The following NSD2 variants were observed in gnomAD, a reference collection of about 807,000 sequenced individuals.
The protein encoded by NSD2 is nuclear receptor binding SET domain protein 2.
A neutral mutation model predicts 139.0 loss-of-function variants in NSD2; 12 were observed. The ratio of observed to expected loss-of-function variants is 0.09; its 90% CI spans 0.06 to 0.14. The LOEUF (loss-of-function observed/expected upper bound fraction) is 0.14. Among genes scored for constraint, NSD2 ranks in the 10% least tolerant of loss-of-function variants. The pLI, the probability that NSD2 is intolerant of heterozygous loss-of-function variation, is 1.00. For synonymous variants in NSD2, 669 were observed against 648.7 expected (o/e 1.03, Z -0.48); for missense variants, 1,155 against 1,745.0 (o/e 0.66, Z 6.02).
chr4:1,959,325 T>C, intron 16 of NSD2, 146 bp from the exon 17 acceptor site: 1 of 820,078 alleles, frequency 1.2e-6, no homozygotes, highest in South Asian at 1.8e-5. Flanking sequence ...TGGGGAGGGC[T>C]GTTCTGAGTA....
intron 1 of NSD2, among the ~76,000 whole-genome samples, chr4:1,885,457 T>G (rs1715016130): frequency 2.0e-5 from 3 of 152,320 alleles, no homozygotes; most frequent in South Asian, 4.1e-4. Flanking sequence ...GTCATTCTTG[T>G]AAGTTGATAA....
Position 1,930,642 on chromosome 4 carries a change from C to T in NSD2, c.1427C>T (p.Pro476Leu). 1.9e-6 allele frequency: 3 copies of T among 1,611,008 alleles called. No homozygotes were observed. Among genetic ancestry groups the T allele is most frequent in the South Asian group, 2.2e-5 (2 of 90,534 alleles). Residue 476 changes from proline to leucine, a missense_variant, in exon 6 of 22, where the codon CCA (proline) becomes CTA (leucine). Physicochemically the swap from Pro to Leu is moderately conservative, Grantham distance 98 (BLOSUM62 -3). This residue lies in a region of NSD2 where 420 missense variants were observed against 469.0 expected (regional missense o/e 0.90). Transcript: ENST00000508803. ...TTCCCACAGGTGGTAGCTGAGCACC[C>T]AGATGCTTCAGGTGAGGAGATTGAA... ...KHRDEVVAEH[P>L]DASGEEIEEL...
intron 1 of NSD2, among the ~76,000 whole-genome samples, chr4:1,880,572 CA>C (rs774862220): frequency 6.3e-5 from 9 of 143,442 alleles, no homozygotes; most frequent in African/African-American, 2.1e-4. Flanking sequence ...GGACAGTGAG[CA>C]AAGGTCATAT....
At chr4:1,900,244 C>T (rs1716969623) in intron 1 of NSD2, among the ~76,000 whole-genome samples, 1 of 152,166 alleles carries the variant, frequency 6.6e-6, no homozygotes, top group Non-Finnish European at 1.5e-5. Context: ...ATGCCAGCTG[C>T]CTCACACATA....
At chr4:1,957,450 ATT>A (rs57804419) in intron 15 of NSD2, among the ~76,000 whole-genome samples, 10 of 135,570 alleles carry the variant, frequency 7.4e-5, no homozygotes, top group Admixed American at 1.5e-4. Context: ...TGCCTGGCTA[ATT>A]TTTTTTTTTT....
At chr4:1,971,361 C>T (rs1024741069) in intron 18 of NSD2, among the ~76,000 whole-genome samples, 1 of 152,114 alleles carries the variant, frequency 6.6e-6, no homozygotes, top group Non-Finnish European at 1.5e-5. Context: ...TTAGGGCCTT[C>T]CCACTGGCCT....
In NSD2 at chr4:1,934,879, AT is replaced by A. The variant is rs1398706132; in HGVS notation, c.1556-264del. On this transcript the variant is annotated intron_variant, in intron 6 of 21. Coordinates refer to ENST00000508803, the MANE Select transcript of NSD2 (RefSeq NM_001042424.3). ...AAAAAAAAAAAAAAAAAAAAAAAAA[AT>A]ATATATATATATATATATATATATA... Among the ~76,000 whole-genome samples the A allele has an allele frequency of 9.7e-4, 33 of 34,076 alleles. 1 individual carries two copies. Among genetic ancestry groups the A allele is most frequent in the African/African-American group, 3.4e-3 (19 of 5,666 alleles). 22.4% of individuals were successfully genotyped at this position (34,076 alleles called of 152,430 possible).
At chr4:1,928,533 T>C (rs1721229443) in intron 5 of NSD2, among the ~76,000 whole-genome samples, 1 of 152,172 alleles carries the variant, frequency 6.6e-6, no homozygotes, top group South Asian at 2.1e-4. Flanking sequence ...GAGTCATTGC[T>C]CTGTTAACCT....
At position 1,900,864 on chromosome 4, in the gene NSD2, C is replaced by A. The variant is rs778644056; in HGVS notation, c.210C>A (p.Ala70=). 6.2e-7 allele frequency: 1 copy of A among 1,613,536 alleles called. No individual in the cohort carries two copies. Among genetic ancestry groups the A allele is most frequent in the Admixed American group, 1.7e-5 (1 of 59,974 alleles). ...GVMQKFNGHD[A]LPFIPADKLK... Reference sequence around the variant, plus strand: ...TGCAGAAGTTTAACGGCCACGACGCCCTGCCCTTTATTCCAGCCGACAAGC... The same window carrying A: ...TGCAGAAGTTTAACGGCCACGACGCACTGCCCTTTATTCCAGCCGACAAGC... The change falls in exon 2 of 22, where the codon GCC becomes GCA. Residue 70 remains alanine, a synonymous_variant. Transcript: ENST00000508803.
Position 1,878,422 on chromosome 4 carries a change from T to A in NSD2, c.-30+6880T>A, listed in dbSNP as rs143253061. ...CATGCCTGGCCAAAAAAACTTTTTT[T>A]AATTATTCTGTTGCTATCTGGCACT... is the stretch of plus-strand genomic sequence containing the variant. On this transcript the variant is annotated intron_variant, in intron 1 of 21. Transcript: ENST00000508803. 1.2e-3 allele frequency among the ~76,000 whole-genome samples: 185 copies of A among 151,972 alleles called. 1 individual carries two copies. The highest frequency in any genetic ancestry group is 3.4e-3 in the Middle Eastern group (1 of 294).
At chr4:1,913,789 G>T (rs1719000145) in intron 3 of NSD2, among the ~76,000 whole-genome samples, 1 of 152,078 alleles carries the variant, frequency 6.6e-6, no homozygotes. Flanking sequence ...TGGTGGTAGT[G>T]GTGTCCCCTG....
intron 11 of NSD2, 70 bp from the exon 12 acceptor site, chr4:1,953,254 G>T (rs1260943627): frequency 6.2e-7 from 1 of 1,613,108 alleles, no homozygotes; most frequent in Admixed American, 1.7e-5. Flanking sequence ...TGATTTTAGT[G>T]GCTCAGAACT....
At chr4:1,971,071 T>C (rs1379791281) in intron 18 of NSD2, among the ~76,000 whole-genome samples, 2 of 152,198 alleles carry the variant, frequency 1.3e-5, no homozygotes, top group African/African-American at 4.8e-5. Context: ...AATAAAATTG[T>C]GGGCAGGCCG....
Position 1,930,903 on chromosome 4 carries a change from G to A in NSD2, c.1555+133G>A, listed in dbSNP as rs538182376. ...TCTGACCCGTGGGGTTTGGGCCAGCGGTCCAAGTGCGTGTGGTCACAGTAA... is the reference window on the plus strand; with the variant it reads ...TCTGACCCGTGGGGTTTGGGCCAGCAGTCCAAGTGCGTGTGGTCACAGTAA... On this transcript the variant is annotated intron_variant, in intron 6 of 21. Transcript: ENST00000508803. 27 of 1,142,902 alleles carry A rather than the reference G, an allele frequency of 2.4e-5. No homozygotes were observed. In the Middle Eastern group the frequency reaches 9.3e-4, roughly 39 times the overall value. 70.8% of individuals were successfully genotyped at this position (1,142,902 alleles called of 1,614,324 possible). A position where few individuals can be genotyped will look rare whatever the true frequency, so the allele number is the denominator to read the frequency against.
chr4:1,972,439 A>C lies in NSD2; in HGVS notation c.3373-2424A>C, dbSNP rs1726594477. Among the ~76,000 whole-genome samples the C allele has an allele frequency of 6.6e-6, 1 of 152,254 alleles. No homozygotes were observed. The highest frequency in any genetic ancestry group is 1.5e-5 in the Non-Finnish European group (1 of 68,046). On this transcript the variant is annotated intron_variant, in intron 18 of 21. Coordinates refer to ENST00000508803, the MANE Select transcript of NSD2 (RefSeq NM_001042424.3). The surrounding 1 kb of genome is among the most constrained non-coding windows in gnomAD (Gnocchi z 4.0). ...AGTCCATGTAGAAGGAAAGATCTGC[A>C]GGTCTAGCCAGTGCTTTATCTTGAA...
intron 5 of NSD2, among the ~76,000 whole-genome samples, chr4:1,924,110 G>T (rs1324048491): frequency 6.6e-6 from 1 of 152,146 alleles, no homozygotes; most frequent in Non-Finnish European, 1.5e-5. Context: ...AAGGTGGGAG[G>T]ATCACTTGAA....
intron 1 of NSD2, among the ~76,000 whole-genome samples, chr4:1,888,080 TC>T (rs1355674166): frequency 6.6e-6 from 1 of 152,094 alleles, no homozygotes; most frequent in African/African-American, 2.4e-5. Context: ...TGATACGTGG[TC>T]TGATAGTTAT....
At chr4:1,898,615 G>A (rs1452014555) in intron 1 of NSD2, among the ~76,000 whole-genome samples, 1 of 148,622 alleles carries the variant, frequency 6.7e-6, no homozygotes, top group Non-Finnish European at 1.5e-5. Context: ...AGCTGAGATC[G>A]CACCACTGCA....
chr4:1,965,018 C>T (rs1317247936), intron 18 of NSD2, among the ~76,000 whole-genome samples: 1 of 118,912 alleles, frequency 8.4e-6, no homozygotes, highest in Non-Finnish European at 1.6e-5. Context: ...CTAGAGTTAC[C>T]ACATTATTAG....
Sources: gnomAD v4.1 joint callset for allele counts (sites outside exome capture counted in the v4.1 genomes callset) on GRCh38, gnomAD v4.1.1 for gene constraint, gnomAD v4.1.1 regional missense constraint, Gnocchi (gnomAD v3.1) non-coding constraint, MANE v1.5 for transcripts, NCBI Gene and HGNC (gene_info 2026-07-23, HGNC 2026-07-21) for gene names.